KIAA1217: variants seen among roughly 807,000 people sequenced by gnomAD.
The protein encoded by KIAA1217 is KIAA1217.
In KIAA1217, 88 loss-of-function variants were observed where a neutral mutation model predicts 163.9. That is an observed-to-expected ratio of 0.54 (90% CI 0.45 to 0.64). The LOEUF is 0.64. Ranked by LOEUF, KIAA1217 falls within the 30% of genes least tolerant of loss-of-function variation. The pLI is 0.00. For missense variants in KIAA1217, 2,372 were observed against 2,475.0 expected, an observed-to-expected ratio of 0.96 and a Z score of 0.88; for synonymous variants, 903 against 923.1, an observed-to-expected ratio of 0.98 and a Z score of 0.39.
intron 2 of KIAA1217, among the ~76,000 whole-genome samples, chr10:24,359,040 A>ACTTG (rs1724047156): frequency 8.0e-6 from 1 of 125,702 alleles, no homozygotes; most frequent in African/African-American, 2.6e-5. Flanking sequence ...TCATTCTAAT[A>ACTTG]CTTTCTTTCT....
chr10:23,773,336 A>G (rs1834875080), intron 1 of KIAA1217, among the ~76,000 whole-genome samples: 1 of 151,782 alleles, frequency 6.6e-6, no homozygotes, highest in South Asian at 2.1e-4. Flanking sequence ...CTGTTTTGGT[A>G]CCAGTACCAT....
At chr10:23,857,462 G>C (rs930907313) in intron 1 of KIAA1217, among the ~76,000 whole-genome samples, 1 of 152,196 alleles carries the variant, frequency 6.6e-6, no homozygotes, top group Non-Finnish European at 1.5e-5. Flanking sequence ...TAATAATGAT[G>C]ATCTCTAGCT....
At chr10:23,952,641 T>C (rs1441521377) in intron 1 of KIAA1217, among the ~76,000 whole-genome samples, 3 of 152,224 alleles carry the variant, frequency 2.0e-5, no homozygotes, top group Non-Finnish European at 4.4e-5. Flanking sequence ...TCTAGAATTA[T>C]TTCACCTTCG....
At chr10:24,193,931 T>C (rs921215976) in intron 2 of KIAA1217, among the ~76,000 whole-genome samples, 10 of 94,228 alleles carry the variant, frequency 1.1e-4, no homozygotes, top group African/African-American at 3.4e-4. Context: ...TTCACACCTG[T>C]AACCCCAGCA....
intron 2 of KIAA1217, among the ~76,000 whole-genome samples, chr10:24,364,691 A>T (rs138521104): frequency 1.4e-3 from 217 of 152,222 alleles, no homozygotes; most frequent in African/African-American, 5.1e-3. Context: ...TAACAGGTAG[A>T]CTAGGGGTTT....
At chr10:23,821,323 G>A (rs750972700) in intron 1 of KIAA1217, among the ~76,000 whole-genome samples, 6 of 152,142 alleles carry the variant, frequency 3.9e-5, no homozygotes, top group Non-Finnish European at 8.8e-5. Context: ...CCTAAGCACT[G>A]ATTTGGACAT....
At chr10:24,481,038 T>G (rs1424755670) in intron 6 of KIAA1217, 1 of 152,172 alleles carries the variant, frequency 6.6e-6, no homozygotes, top group Non-Finnish European at 1.5e-5. Flanking sequence ...TTAGGTTATC[T>G]GTTTTGATGC....
At chr10:24,354,574 G>T (rs1341529907) in intron 2 of KIAA1217, among the ~76,000 whole-genome samples, 2 of 152,200 alleles carry the variant, frequency 1.3e-5, no homozygotes, top group Non-Finnish European at 2.9e-5. Flanking sequence ...CAAACTGAAG[G>T]ATGGTAAATG....
At position 24,541,304 on chromosome 10, in the gene KIAA1217, A is replaced by C. The variant is rs540330661; in HGVS notation, c.3535-1389A>C. Among the ~76,000 whole-genome samples the C allele has an allele frequency of 2.0e-5, 3 of 152,078 alleles. No individual in the cohort carries two copies. In the South Asian group the frequency reaches 6.2e-4, roughly 32 times the overall value. On this transcript the variant is annotated intron_variant, in intron 17 of 20. Coordinates refer to ENST00000376454, the MANE Select transcript of KIAA1217 (RefSeq NM_019590.5). ...CATGTGGCTCCGCTGCAGCAGCCGA[A>C]TCATGGCACTTGTTTGGGGGCTTCC...
chr10:24,305,124 G>A (rs1227006686), intron 2 of KIAA1217, among the ~76,000 whole-genome samples: 1 of 152,170 alleles, frequency 6.6e-6, no homozygotes, highest in Non-Finnish European at 1.5e-5. Flanking sequence ...TGTGACGTGT[G>A]TTTATAACAT....
chr10:24,448,614 C>T (rs1307171535), intron 5 of KIAA1217, among the ~76,000 whole-genome samples: 1 of 152,184 alleles, frequency 6.6e-6, no homozygotes, highest in Admixed American at 6.5e-5. Context: ...CTTTGAACTC[C>T]TAGGCTCCAG....
chr10:24,353,691 G>T (rs966232350), intron 2 of KIAA1217, among the ~76,000 whole-genome samples: 3 of 152,144 alleles, frequency 2.0e-5, no homozygotes, highest in African/African-American at 7.2e-5. Flanking sequence ...TGTACTCAGA[G>T]ACGATGTTTT....
intron 1 of KIAA1217, among the ~76,000 whole-genome samples, chr10:23,992,918 T>G (rs897738809): frequency 5.3e-5 from 8 of 151,658 alleles, no homozygotes; most frequent in Admixed American, 4.6e-4. Flanking sequence ...TGCGGGACAA[T>G]GGAATAAGTG....
In KIAA1217 at chr10:24,473,865, C is replaced by G; in HGVS notation, c.1484C>G (p.Pro495Arg). 1.2e-6 allele frequency: 2 copies of G among 1,614,142 alleles called. No homozygotes were observed. Among genetic ancestry groups the G allele is most frequent in the Admixed American group, 1.7e-5 (1 of 60,010 alleles). Residue 495 changes from proline (P) to arginine (R), a missense_variant, in exon 6 of 21, where the codon CCC becomes CGC. Transcript: ENST00000376454. Reference protein sequence around the residue: ...DMHAHYNAHGPPHTMQPDRAS... With the variant: ...DMHAHYNAHGRPHTMQPDRAS... ...CACGCTCACTATAATGCCCACGGCCCCCCTCACACCATGCAGCCAGACCGG... is the reference window on the plus strand; with the variant it reads ...CACGCTCACTATAATGCCCACGGCCGCCCTCACACCATGCAGCCAGACCGG...
chr10:24,545,342 A>T, intron 20 of KIAA1217: 5 of 1,395,856 alleles, frequency 3.6e-6, no homozygotes, highest in Non-Finnish European at 4.6e-6. Flanking sequence ...TTTAACTGTT[A>T]ACACACGGTG....
intron 1 of KIAA1217, among the ~76,000 whole-genome samples, chr10:23,936,425 C>T (rs1288103516): frequency 6.6e-6 from 1 of 152,190 alleles, no homozygotes; most frequent in South Asian, 2.1e-4. Flanking sequence ...AATGTGACCT[C>T]ATTTGCGCTC....
At chr10:24,399,437 A>G (rs1056183038) in intron 3 of KIAA1217, among the ~76,000 whole-genome samples, 3 of 152,166 alleles carry the variant, frequency 2.0e-5, no homozygotes, top group African/African-American at 7.2e-5. Context: ...ATCGTGTTTC[A>G]TTTGCTAAGT....
At chr10:24,280,004 A>G (rs2077729951) in intron 2 of KIAA1217, among the ~76,000 whole-genome samples, 1 of 152,366 alleles carries the variant, frequency 6.6e-6, no homozygotes, top group African/African-American at 2.4e-5. Context: ...TCTCTGAAAT[A>G]AAATGAACAT....
chr10:23,816,492 C>T (rs1837319936), intron 1 of KIAA1217, among the ~76,000 whole-genome samples: 2 of 152,082 alleles, frequency 1.3e-5, no homozygotes, highest in Non-Finnish European at 2.9e-5. Flanking sequence ...GAGGTTTCAC[C>T]ATATTGGCCA....
Sources: gnomAD v4.1 joint callset for allele counts (sites outside exome capture counted in the v4.1 genomes callset) on GRCh38, gnomAD v4.1.1 for gene constraint, MANE v1.5 for transcripts, NCBI Gene and HGNC (gene_info 2026-07-23, HGNC 2026-07-21) for gene names.